The following SETBP1 variants were observed in gnomAD, a reference collection of about 807,000 sequenced individuals.
The protein encoded by SETBP1 is SET binding protein 1, also known as SET-binding protein.
In SETBP1, 9 loss-of-function variants were observed where a neutral mutation model predicts 101.0. That is an observed-to-expected ratio of 0.09 (90% CI 0.05 to 0.16). SETBP1 has a LOEUF of 0.16. Ranked by LOEUF, SETBP1 falls within the 10% of genes least tolerant of loss-of-function variation. The pLI, the probability that SETBP1 is intolerant of heterozygous loss-of-function variation, is 1.00. For synonymous variants in SETBP1, 818 were observed against 788.5 expected (o/e 1.04, Z -0.63); for missense variants, 1,858 against 2,033.8 (o/e 0.91, Z 1.66).
intron 2 of SETBP1, among the ~76,000 whole-genome samples, chr18:44,768,080 G>A (rs150266604): frequency 4.3e-4 from 66 of 152,238 alleles, no homozygotes; most frequent in African/African-American, 1.5e-3. Flanking sequence ...TTTCACTTTG[G>A]TGTCTCTGTA....
chr18:44,690,848 G>A (rs2068919171), intron 1 of SETBP1, among the ~76,000 whole-genome samples: 1 of 152,180 alleles, frequency 6.6e-6, no homozygotes, highest in South Asian at 2.1e-4. Context: ...TTTACGATGT[G>A]AATTCCTCCT....
rs2069108169 is a variant in SETBP1, at chr18:44,701,082, A to G, written c.-172-93A>G. 4 of 370,568 alleles carry G rather than the reference A, an allele frequency of 1.1e-5. No homozygotes were observed. In the South Asian group the frequency reaches 3.2e-4, roughly 29 times the overall value. 23.0% of individuals were successfully genotyped at this position (370,568 alleles called of 1,614,324 possible). Reference sequence around the variant, plus strand: ...ATCATTTCTTTTTTCCGGATGCCATAGATACGTGGAAGGGGGCCTCTGGAA... The same window carrying G: ...ATCATTTCTTTTTTCCGGATGCCATGGATACGTGGAAGGGGGCCTCTGGAA... On this transcript the variant is annotated intron_variant, in intron 1 of 5. Transcript: ENST00000649279.
chr18:45,013,073 T>C (rs1270230778), intron 4 of SETBP1, among the ~76,000 whole-genome samples: 3 of 152,168 alleles, frequency 2.0e-5, no homozygotes, highest in African/African-American at 7.2e-5. Context: ...GGTGATGGCT[T>C]TGTCAAGCTC....
intron 3 of SETBP1, among the ~76,000 whole-genome samples, chr18:44,900,885 A>G (rs940495817): frequency 1.3e-5 from 2 of 152,226 alleles, no homozygotes; most frequent in East Asian, 3.9e-4. Context: ...CTTGGCTGGT[A>G]CCAGGAAGGG....
chr18:45,063,348 C>T lies in SETBP1; in HGVS notation c.4441C>T (p.Leu1481=). 6.3e-7 allele frequency: 1 copy of T among 1,581,818 alleles called. No homozygotes were observed. The highest frequency in any genetic ancestry group is 1.8e-5 in the Admixed American group (1 of 55,574). The change falls in exon 6 of 6, where the codon CTG becomes TTG. Residue 1481 remains leucine (L), a synonymous_variant. Coordinates refer to ENST00000649279, the MANE Select transcript of SETBP1 (RefSeq NM_015559.3). The stretch of plus-strand genomic sequence containing the variant: ...GCCGGTGCTGGAAAAATGCATCGAC[C>T]TGCCCAGCAAAAGAGGCCAGAAGCC... ...QMPVLEKCID[L]PSKRGQKPSL...
At chr18:44,789,574 G>A (rs556293664) in intron 2 of SETBP1, among the ~76,000 whole-genome samples, 1 of 152,184 alleles carries the variant, frequency 6.6e-6, no homozygotes, top group Non-Finnish European at 1.5e-5. Flanking sequence ...CTTAAATACT[G>A]TTGAAATTTA....
chr18:44,729,236 A>G (rs2144385812), intron 2 of SETBP1, among the ~76,000 whole-genome samples: 1 of 152,334 alleles, frequency 6.6e-6, no homozygotes, highest in South Asian at 2.1e-4. Flanking sequence ...TATTTTAGAC[A>G]AAGAAGGACA....
At chr18:44,943,992 A>G (rs1296428642) in intron 3 of SETBP1, among the ~76,000 whole-genome samples, 2 of 151,550 alleles carry the variant, frequency 1.3e-5, no homozygotes, top group Non-Finnish European at 2.9e-5. Context: ...ACGCCATGAT[A>G]CCCATCTAAT....
intron 2 of SETBP1, among the ~76,000 whole-genome samples, chr18:44,750,651 G>T (rs1300303950): frequency 2.0e-5 from 3 of 152,140 alleles, no homozygotes; most frequent in Non-Finnish European, 4.4e-5. Context: ...ACCTGAGTTG[G>T]CATTTAATCA....
At chr18:44,828,875 G>C (rs1275425287) in intron 2 of SETBP1, among the ~76,000 whole-genome samples, 1 of 152,238 alleles carries the variant, frequency 6.6e-6, no homozygotes, top group Non-Finnish European at 1.5e-5. Context: ...GAAGGCAGCT[G>C]TCTGCAAGCT....
At chr18:44,856,055 G>GTTTT (rs748514500) in intron 2 of SETBP1, among the ~76,000 whole-genome samples, 1 of 133,130 alleles carries the variant, frequency 7.5e-6, no homozygotes, top group Non-Finnish European at 1.6e-5. Flanking sequence ...AATCCATCTT[G>GTTTT]TTTTTTTTTT....
chr18:44,850,706 TC>T (rs949969041), intron 2 of SETBP1, among the ~76,000 whole-genome samples: 27 of 152,110 alleles, frequency 1.8e-4, no homozygotes, highest in African/African-American at 5.5e-4. Flanking sequence ...AGGTGGAAAA[TC>T]CCCCAACTCC....
chr18:44,855,845 C>A (rs1317197013), intron 2 of SETBP1, among the ~76,000 whole-genome samples: 2 of 152,160 alleles, frequency 1.3e-5, no homozygotes, highest in Non-Finnish European at 2.9e-5. Context: ...GCATTGCGAT[C>A]CGTGTTCAAG....
At chr18:44,983,409 A>T (rs1399462016) in intron 4 of SETBP1, among the ~76,000 whole-genome samples, 1 of 152,092 alleles carries the variant, frequency 6.6e-6, no homozygotes, top group Non-Finnish European at 1.5e-5. Context: ...AGAACTAGGG[A>T]CACTCTTACC....
chr18:44,963,383 G>A (rs1307751708), intron 4 of SETBP1, among the ~76,000 whole-genome samples: 1 of 152,140 alleles, frequency 6.6e-6, no homozygotes, highest in Non-Finnish European at 1.5e-5. Context: ...AATTCTGTGC[G>A]CAAAGCCTTT....
At chr18:44,897,577 A>G (rs1466344515) in intron 3 of SETBP1, among the ~76,000 whole-genome samples, 2 of 152,142 alleles carry the variant, frequency 1.3e-5, no homozygotes, top group African/African-American at 4.8e-5. Context: ...ACCAGTTTAT[A>G]GCATTAATTG....
intron 3 of SETBP1, among the ~76,000 whole-genome samples, chr18:44,907,796 G>A (rs1432201104): frequency 1.3e-5 from 2 of 151,988 alleles, no homozygotes; most frequent in Non-Finnish European, 2.9e-5. Flanking sequence ...ATTGTATGAG[G>A]TGTCTTTTCA....
At chr18:44,774,472 C>A (rs1310620803) in intron 2 of SETBP1, among the ~76,000 whole-genome samples, 1 of 152,032 alleles carries the variant, frequency 6.6e-6, no homozygotes, top group East Asian at 1.9e-4. Flanking sequence ...ATGCTGATGA[C>A]CCATCTTGGA....
chr18:44,735,131 A>G (rs912696571), intron 2 of SETBP1, among the ~76,000 whole-genome samples: 1 of 152,210 alleles, frequency 6.6e-6, no homozygotes, highest in South Asian at 2.1e-4. Flanking sequence ...CCCAAGAAAG[A>G]GTGTTGGTAT....
Sources: gnomAD v4.1 joint callset for allele counts (sites outside exome capture counted in the v4.1 genomes callset) on GRCh38, gnomAD v4.1.1 for gene constraint, MANE v1.5 for transcripts, NCBI Gene and HGNC (gene_info 2026-07-23, HGNC 2026-07-21) for gene names.